The following LTF variants were observed in gnomAD, a reference collection of about 807,000 sequenced individuals.
LTF encodes the protein epididymis luminal protein 110.
A neutral mutation model predicts 87.2 loss-of-function variants in LTF; 91 were observed. The observed-to-expected ratio is 1.04, with a 90% CI of 0.88 to 1.24. The LOEUF (loss-of-function observed/expected upper bound fraction) is 1.24. Ranked by LOEUF, LTF falls within the 50% of genes most tolerant of loss-of-function variation. The pLI, the probability that LTF is intolerant of heterozygous loss-of-function variation, is 0.00. For synonymous variants in LTF, 378 were observed against 356.1 expected (o/e 1.06, Z -0.69); for missense variants, 901 against 904.3 (o/e 1.00, Z 0.05).
chr3:46,470,476 CA>C (rs1466607106), intron 1 of LTF: 7 of 152,364 alleles, frequency 4.6e-5, no homozygotes, highest in African/African-American at 1.7e-4. Flanking sequence ...CCTGCAAGGA[CA>C]AGATCAGCTG....
At chr3:46,469,224 C>T (rs1040143787), upstream of LTF, among the ~76,000 whole-genome samples, 1 of 152,244 alleles carries the variant, frequency 6.6e-6, no homozygotes, top group African/African-American at 2.4e-5. Context: ...TGAGATACAA[C>T]TGCTATCCCT....
intron 2 of LTF, 72 bp downstream of exon 2, chr3:46,459,584 T>G: frequency 7.6e-7 from 1 of 1,316,318 alleles, no homozygotes; most frequent in Non-Finnish European, 9.9e-7. Context: ...GGAGAGCTCG[T>G]GTTCTATCTT....
intron 9 of LTF, among the ~76,000 whole-genome samples, chr3:46,448,140 G>T (rs1265588586): frequency 6.6e-6 from 1 of 152,154 alleles, no homozygotes; most frequent in Admixed American, 6.5e-5. Context: ...GAAGCAGGAA[G>T]ATTGCTTGAG....
chr3:46,466,435 G>A (rs1351598391), upstream of LTF, among the ~76,000 whole-genome samples: 1 of 152,230 alleles, frequency 6.6e-6, no homozygotes, highest in African/African-American at 2.4e-5. Flanking sequence ...GGAGCAGATA[G>A]GCAATGCCCC....
In LTF at chr3:46,448,487, A is replaced by T. The variant is rs541806035; in HGVS notation, c.1212+376T>A. The stretch of plus-strand genomic sequence containing the variant: ...TACTGCAACACTTCATTATTGTTGC[A>T]TGCATATCTGCAGATGTGCAGAGAA... On this transcript the variant is annotated intron_variant, in intron 9 of 16. Transcript: ENST00000231751. Among the ~76,000 whole-genome samples, 12 of 152,362 alleles carry T rather than the reference A, an allele frequency of 7.9e-5. No homozygotes were observed. In the East Asian group the frequency reaches 2.1e-3, roughly 27 times the overall value.
At chr3:46,459,592 C>G in intron 2 of LTF, 64 bp downstream of exon 2, 1 of 1,352,400 alleles carries the variant, frequency 7.4e-7, no homozygotes, top group Non-Finnish European at 9.6e-7. Flanking sequence ...CGTGTTCTAT[C>G]TTTTTCCATT....
rs770839547 is a variant in LTF at position 46,454,300 on chromosome 3, C to T, written c.703+5G>A. ...AGTACCCACGGCTCATTACCCTGCTCTTACCAAACACTGTGCTCTCTCTGA... is the reference window on the plus strand; with the variant it reads ...AGTACCCACGGCTCATTACCCTGCTTTTACCAAACACTGTGCTCTCTCTGA... On this transcript the variant is annotated splice_donor_5th_base_variant and intron_variant, in intron 6 of 16. Coordinates refer to ENST00000231751, the MANE Select transcript of LTF (RefSeq NM_002343.6). The T allele has an allele frequency of 3.1e-6, 5 of 1,613,980 alleles. No individual in the cohort carries two copies. The highest frequency in any genetic ancestry group is 4.2e-6 in the Non-Finnish European group (5 of 1,179,928).
intron 1 of LTF, among the ~76,000 whole-genome samples, chr3:46,476,828 T>G (rs6762703): frequency 0.31 from 47,775 of 152,114 alleles, 9,089 homozygotes; most frequent in East Asian, 0.51. Context: ...GTTTAAAATT[T>G]TGTTTATTAG....
chr3:46,475,232 A>G (rs12638228), intron 1 of LTF, among the ~76,000 whole-genome samples: 47,586 of 152,052 alleles, frequency 0.31, 9,051 homozygotes, highest in East Asian at 0.51. Context: ...AACTCACAAT[A>G]TGAAACAGAT....
chr3:46,445,251 C>T, intron 12 of LTF, 30 bp downstream of exon 12: 1 of 1,582,440 alleles, frequency 6.3e-7, no homozygotes, highest in South Asian at 1.2e-5. Flanking sequence ...TCCAGGGTGG[C>T]CCACCCACCG....
chr3:46,475,481 G>C (rs372896659), intron 1 of LTF, among the ~76,000 whole-genome samples: 2 of 150,642 alleles, frequency 1.3e-5, no homozygotes, highest in East Asian at 3.9e-4. Context: ...AACTCCCTAT[G>C]AGATGTCAGT....
intron 1 of LTF, among the ~76,000 whole-genome samples, chr3:46,479,508 CTGTTTGTT>C (rs56170464): frequency 0.5 from 74,509 of 150,498 alleles, 20,824 homozygotes; most frequent in African/African-American, 0.77. Flanking sequence ...AGTGGCTTTT[CTGTTTGTT>C]TGTTTGTTTG....
chr3:46,436,312 T>C, intron 16 of LTF, 83 bp from the exon 17 acceptor site: 2 of 1,263,372 alleles, frequency 1.6e-6, no homozygotes, highest in Non-Finnish European at 2.3e-6. Flanking sequence ...TCAAAGAGAA[T>C]ACTAAGAGTT....
upstream of LTF, among the ~76,000 whole-genome samples, chr3:46,466,747 G>T (rs1703220546): frequency 6.6e-6 from 1 of 152,210 alleles, no homozygotes. Flanking sequence ...ATTGCAATAA[G>T]TTCTTTCAAA....
chr3:46,480,299 T>C (rs1703416233), intron 1 of LTF, among the ~76,000 whole-genome samples: 1 of 152,192 alleles, frequency 6.6e-6, no homozygotes, highest in South Asian at 2.1e-4. Context: ...TGTAGAATGC[T>C]CTGTATCATG....
upstream of LTF, among the ~76,000 whole-genome samples, chr3:46,466,196 T>C (rs935111245): frequency 1.3e-5 from 2 of 151,836 alleles, no homozygotes; most frequent in Middle Eastern, 3.4e-3. Flanking sequence ...GCCATGATCA[T>C]GTCACTGCAC....
intron 15 of LTF, among the ~76,000 whole-genome samples, chr3:46,438,591 C>T (rs1406316329): frequency 6.6e-6 from 1 of 152,184 alleles, no homozygotes; most frequent in African/African-American, 2.4e-5. Context: ...TCACACAGTT[C>T]CTGCTCTGTC....
At chr3:46,471,871 T>A (rs1262344519) in intron 1 of LTF, among the ~76,000 whole-genome samples, 1 of 152,168 alleles carries the variant, frequency 6.6e-6, no homozygotes, top group Non-Finnish European at 1.5e-5. Context: ...GTGCCAATGA[T>A]GAGCAAAAAG....
rs1027260545 is a variant in LTF at position 46,456,458 on chromosome 3, G to T, written c.208-60C>A. On this transcript the variant is annotated intron_variant, in intron 2 of 16. Coordinates refer to ENST00000231751, the MANE Select transcript of LTF (RefSeq NM_002343.6). ...AAACTCACCCAAACCCAGCAAGTGG[G>T]ACTTCAGGACCTCAAAAAGTCTCCA... 2.9e-6 allele frequency: 4 copies of T among 1,378,064 alleles called. No homozygotes were observed. In the African/African-American group the frequency reaches 5.7e-5, roughly 20 times the overall value. 85.4% of individuals were successfully genotyped at this position (1,378,064 alleles called of 1,614,324 possible). A position where few individuals can be genotyped will look rare whatever the true frequency, so the allele number is the denominator to read the frequency against.
Sources: gnomAD v4.1 joint callset for allele counts (sites outside exome capture counted in the v4.1 genomes callset) on GRCh38, gnomAD v4.1.1 for gene constraint, MANE v1.5 for transcripts, NCBI Gene and HGNC (gene_info 2026-07-23, HGNC 2026-07-21) for gene names.